The following OPA3 variants were observed in gnomAD, a reference collection of about 807,000 sequenced individuals.
OPA3 encodes the protein optic atrophy 3 protein.
OPA3 carries 6 observed loss-of-function variants against 4.0 expected under a neutral mutation model. That is an observed-to-expected ratio of 1.51 (90% CI 0.83 to 2.99). The LOEUF (loss-of-function observed/expected upper bound fraction) is 2.99. Ranked by LOEUF, OPA3 falls within the 30% of genes most tolerant of loss-of-function variation. The pLI, the probability that OPA3 is intolerant of heterozygous loss-of-function variation, is 0.00. For missense variants in OPA3, 235 were observed against 256.2 expected (o/e 0.92, Z 0.56); for synonymous variants, 105 against 117.1 (o/e 0.90, Z 0.67).
Position 45,578,998 on chromosome 19 carries a change from G to C in OPA3, c.142+5625C>G, listed in dbSNP as rs566441812. 3.9e-5 allele frequency among the ~76,000 whole-genome samples: 6 copies of C among 152,100 alleles called. No homozygotes were observed. The South Asian group carries it at 1.2e-3, about 32-fold the overall frequency. Reference sequence around the variant, plus strand: ...GTCATCAGTTTCCTCTGTCCTGTGTGCCAGGCACGCTCATGCCTCAGGTCC... The same window carrying C: ...GTCATCAGTTTCCTCTGTCCTGTGTCCCAGGCACGCTCATGCCTCAGGTCC... On this transcript the variant is annotated intron_variant, in intron 1 of 1. Coordinates refer to ENST00000263275, the MANE Select transcript of OPA3 (RefSeq NM_025136.4).
At chr19:45,561,257 T>C (rs946290671) in intron 1 of OPA3, among the ~76,000 whole-genome samples, 1 of 151,950 alleles carries the variant, frequency 6.6e-6, no homozygotes, top group Non-Finnish European at 1.5e-5. Context: ...CGCTTGAACC[T>C]GGGAGGTGGA....
chr19:45,535,369 C>A (rs951442579), intron 1 of OPA3, among the ~76,000 whole-genome samples: 29 of 118,868 alleles, frequency 2.4e-4, no homozygotes, highest in African/African-American at 8.9e-4. Flanking sequence ...TAAATTATTA[C>A]TTTTTTTTTT....
At chr19:45,537,165 G>T (rs1319090397) in intron 1 of OPA3, among the ~76,000 whole-genome samples, 1 of 151,974 alleles carries the variant, frequency 6.6e-6, no homozygotes, top group Non-Finnish European at 1.5e-5. Context: ...CGCCATGTTG[G>T]TCAGGCTTGT....
chr19:45,572,488 C>A (rs1431249593), intron 1 of OPA3, among the ~76,000 whole-genome samples: 1 of 114,090 alleles, frequency 8.8e-6, no homozygotes, highest in Non-Finnish European at 1.8e-5. Context: ...TCATATATAT[C>A]GAGATATATG....
In OPA3 at chr19:45,547,704, CT is replaced by C. The variant is rs58766088; in HGVS notation, c.*5809del. ...CACCCTATGCTGGATTAGCTTTTTC[CT>C]TTTTTTTTTGAGATGGAGTCTCGTT... On this transcript the variant is annotated 3_prime_UTR_variant, in exon 2 of 2. Coordinates refer to ENST00000263275, the MANE Select transcript of OPA3 (RefSeq NM_025136.4). The C allele has an allele frequency of 1.3e-4, 20 of 149,234 alleles. No individual in the cohort carries two copies. The highest frequency in any genetic ancestry group is 3.9e-4 in the East Asian group (2 of 5,118). The allele number at this position is 149,234 out of a possible 1,614,324, so 9.2% of individuals were successfully genotyped here. A position where few individuals can be genotyped will look rare whatever the true frequency, so the allele number is the denominator to read the frequency against.
chr19:45,539,000 G>T (rs1438664872), intron 1 of OPA3, among the ~76,000 whole-genome samples: 1 of 152,176 alleles, frequency 6.6e-6, no homozygotes, highest in Non-Finnish European at 1.5e-5. Context: ...GAAGGCAAAG[G>T]GGAAGCAGGC....
At position 45,549,963 on chromosome 19, in the gene OPA3, G is replaced by T; in HGVS notation, c.*3551C>A. On this transcript the variant is annotated 3_prime_UTR_variant, in exon 2 of 2. Coordinates refer to ENST00000263275, the MANE Select transcript of OPA3 (RefSeq NM_025136.4). ...ACCTGAGGTCAGGAGTTCAAGATCAGCCTGGGCAACTTGGAGAAACCCCGT... is the reference window on the plus strand; with the variant it reads ...ACCTGAGGTCAGGAGTTCAAGATCATCCTGGGCAACTTGGAGAAACCCCGT... 1.2e-6 allele frequency: 1 copy of T among 814,246 alleles called. No homozygotes were observed. The highest frequency in any genetic ancestry group is 1.5e-6 in the Non-Finnish European group (1 of 673,798). The allele number at this position is 814,246 out of a possible 1,614,324, so 50.4% of individuals were successfully genotyped here.
At chr19:45,578,325 T>C (rs944863967) in intron 1 of OPA3, among the ~76,000 whole-genome samples, 1 of 152,144 alleles carries the variant, frequency 6.6e-6, no homozygotes, top group Non-Finnish European at 1.5e-5. Context: ...GCTTGAGATA[T>C]TCTGCAGACT....
At chr19:45,535,354 C>T (rs1029710267) in intron 1 of OPA3, among the ~76,000 whole-genome samples, 8 of 144,880 alleles carry the variant, frequency 5.5e-5, no homozygotes, top group Non-Finnish European at 7.5e-5. Context: ...ATGCAGTGAT[C>T]TTGATAAATT....
At chr19:45,583,377 C>A (rs375787480) in intron 1 of OPA3, among the ~76,000 whole-genome samples, 1 of 152,154 alleles carries the variant, frequency 6.6e-6, no homozygotes, top group Non-Finnish European at 1.5e-5. Flanking sequence ...TGGTCTCCAT[C>A]TTCTGACCTC....
intron 1 of OPA3, among the ~76,000 whole-genome samples, chr19:45,566,147 T>A (rs962164979): frequency 6.6e-6 from 1 of 152,142 alleles, no homozygotes; most frequent in African/African-American, 2.4e-5. Context: ...ATTCTTTTTT[T>A]TATTATTATT....
chr19:45,529,337 T>G (rs909917563), exon 2 of OPA3: 1 of 1,614,182 alleles, frequency 6.2e-7, no homozygotes, highest in African/African-American at 1.3e-5. Context: ...ATGAAGATGA[T>G]GCCCTCGCCC....
rs1969312535 is a variant in OPA3, at chr19:45,550,239, C to T, written c.*3275G>A. ...TTCTTGGCTTTCTATCTGGGCAGAT[C>T]TTGGTCCAGGCCAGTTTTACCTCTT... is the stretch of plus-strand genomic sequence containing the variant. On this transcript the variant is annotated 3_prime_UTR_variant, in exon 2 of 2. Coordinates refer to ENST00000263275, the MANE Select transcript of OPA3 (RefSeq NM_025136.4). 6 of 985,310 alleles carry T rather than the reference C, an allele frequency of 6.1e-6. No individual in the cohort carries two copies. The highest frequency in any genetic ancestry group is 7.2e-6 in the Non-Finnish European group (6 of 829,950). The allele number at this position is 985,310 out of a possible 1,614,324, so 61.0% of individuals were successfully genotyped here.
chr19:45,572,408 CG>C (rs1177755320), intron 1 of OPA3, among the ~76,000 whole-genome samples: 1 of 116,060 alleles, frequency 8.6e-6, no homozygotes, highest in African/African-American at 3.4e-5. Context: ...ATGAGATTAT[CG>C]ATATATATCG....
Position 45,551,872 on chromosome 19 carries a change from T to A in OPA3, c.*1642A>T. 7.1e-6 allele frequency: 7 copies of A among 985,604 alleles called. No homozygotes were observed. Among genetic ancestry groups the A allele is most frequent in the Non-Finnish European group, 8.4e-6 (7 of 830,068 alleles). 61.1% of individuals were successfully genotyped at this position (985,604 alleles called of 1,614,324 possible). On this transcript the variant is annotated 3_prime_UTR_variant, in exon 2 of 2. Transcript: ENST00000263275. ...GGATGGAAGATGAAGGATGTGACAA[T>A]TGAATCCATGGGCTTGGATTCGACT...
intron 1 of OPA3, among the ~76,000 whole-genome samples, chr19:45,582,231 G>A (rs1969866896): frequency 6.6e-6 from 1 of 151,652 alleles, no homozygotes; most frequent in African/African-American, 2.4e-5. Context: ...CGCGATCTTG[G>A]CTCACTGCAA....
chr19:45,581,211 C>T (rs748343185), intron 1 of OPA3, among the ~76,000 whole-genome samples: 32 of 152,166 alleles, frequency 2.1e-4, no homozygotes, highest in Non-Finnish European at 3.4e-4. Context: ...CTTTCCCATT[C>T]TAAGAGCTGC....
At chr19:45,554,321 G>C (rs1969389278) in intron 1 of OPA3, among the ~76,000 whole-genome samples, 1 of 152,242 alleles carries the variant, frequency 6.6e-6, no homozygotes, top group South Asian at 2.1e-4. Flanking sequence ...AGATGGGGGA[G>C]AGGGGGGCTC....
At chr19:45,574,396 CAAAAAA>C (rs779877314) in intron 1 of OPA3, among the ~76,000 whole-genome samples, 1 of 72,554 alleles carries the variant, frequency 1.4e-5, no homozygotes, top group Admixed American at 1.6e-4. Context: ...GACTCTGTCT[CAAAAAA>C]AAAAAAAAAA....
Sources: allele counts gnomAD v4.1 joint callset (sites outside exome capture counted in the v4.1 genomes callset), GRCh38; gene constraint gnomAD v4.1.1; transcripts MANE v1.5; gene names NCBI Gene and HGNC (gene_info 2026-07-23, HGNC 2026-07-21).